The following CELF2 variants were observed in gnomAD, a reference collection of about 807,000 sequenced individuals.
CELF2 encodes the protein CUGBP Elav-like family member 2.
CELF2 carries 8 observed loss-of-function variants against 62.6 expected under a neutral mutation model. The ratio of observed to expected loss-of-function variants is 0.13; its 90% CI spans 0.07 to 0.23. The LOEUF is 0.23. Among genes scored for constraint, CELF2 ranks in the 10% least tolerant of loss-of-function variants. The pLI is 1.00. For synonymous variants in CELF2, 258 were observed against 250.0 expected, an observed-to-expected ratio of 1.03 and a Z score of -0.30; for missense variants, 333 against 671.0, an observed-to-expected ratio of 0.50 and a Z score of 5.56.
the CELF2 span, among the ~76,000 whole-genome samples, chr10:10,498,025 G>C: frequency 6.6e-6 from 1 of 152,176 alleles, no homozygotes; most frequent in Admixed American, 6.5e-5. Context: ...ATAAGAGGCG[G>C]GAAGAAGTGC....
At chr10:10,782,408 C>T in the CELF2 span, among the ~76,000 whole-genome samples, 4 of 152,186 alleles carry the variant, frequency 2.6e-5, no homozygotes, top group Non-Finnish European at 5.9e-5. Flanking sequence ...GCAAATTCCT[C>T]CTTCCTCTGC....
the CELF2 span, among the ~76,000 whole-genome samples, chr10:10,507,460 A>G: frequency 6.6e-6 from 1 of 152,164 alleles, no homozygotes; most frequent in African/African-American, 2.4e-5. Flanking sequence ...TCAACAGGTC[A>G]GGTACAAATG....
the CELF2 span, among the ~76,000 whole-genome samples, chr10:10,744,272 A>G: frequency 1.3e-5 from 2 of 152,200 alleles, no homozygotes; most frequent in African/African-American, 4.8e-5. Context: ...TTCGCATCCT[A>G]AATCATTCAA....
chr10:10,801,079 A>AG (rs1000246966), intron 1 of CELF2, among the ~76,000 whole-genome samples: 1 of 151,912 alleles, frequency 6.6e-6, no homozygotes, highest in Non-Finnish European at 1.5e-5. Context: ...CGTTTTTAAA[A>AG]AAAAAACAGT....
intron 1 of CELF2, among the ~76,000 whole-genome samples, chr10:10,886,723 C>T (rs2061775368): frequency 6.6e-6 from 1 of 152,184 alleles, no homozygotes; most frequent in South Asian, 2.1e-4. Flanking sequence ...GTGGTCCCAG[C>T]TACCTGGGAA....
the CELF2 span, among the ~76,000 whole-genome samples, chr10:10,661,383 C>T: frequency 6.6e-6 from 1 of 152,214 alleles, no homozygotes; most frequent in Non-Finnish European, 1.5e-5. Flanking sequence ...TTTATAAACA[C>T]AGCACAGTTT....
At chr10:10,685,185 G>A in the CELF2 span, among the ~76,000 whole-genome samples, 20 of 152,288 alleles carry the variant, frequency 1.3e-4, no homozygotes, top group Admixed American at 3.3e-4. Flanking sequence ...TATACAGAGC[G>A]GCTCAGATTT....
intron 2 of CELF2, among the ~76,000 whole-genome samples, chr10:10,920,522 A>T (rs890451114): frequency 1.3e-5 from 2 of 152,206 alleles, no homozygotes; most frequent in African/African-American, 4.8e-5. Flanking sequence ...TATCATAGAA[A>T]GAAATTAATA....
chr10:10,547,819 G>A, the CELF2 span, among the ~76,000 whole-genome samples: 2,467 of 150,828 alleles, frequency 0.016, 66 homozygotes, highest in African/African-American at 0.056. Context: ...TTATTCTCTA[G>A]CTTCCATTGC....
Position 11,135,401 on chromosome 10 carries a change from A to T in CELF2, c.75-30085A>T, listed in dbSNP as rs531701721. 1.1e-4 allele frequency among the ~76,000 whole-genome samples: 16 copies of T among 152,374 alleles called. No homozygotes were observed. In the South Asian group the frequency reaches 3.1e-3, roughly 30 times the overall value. On this transcript the variant is annotated intron_variant, in intron 1 of 12. Coordinates refer to ENST00000633077, the MANE Select transcript of CELF2 (RefSeq NM_001326342.2). ...GAGGCCCAGGCCAAGTGCATGGCTC[A>T]TGCATTATGTTTCTTTTGGTTTGTC...
the CELF2 span, among the ~76,000 whole-genome samples, chr10:10,505,585 C>T: frequency 6.6e-6 from 1 of 152,084 alleles, no homozygotes; most frequent in Non-Finnish European, 1.5e-5. Context: ...AACGTTCTAG[C>T]TCTCTACTTG....
chr10:10,529,338 T>C, the CELF2 span, among the ~76,000 whole-genome samples: 1 of 152,106 alleles, frequency 6.6e-6, no homozygotes, highest in African/African-American at 2.4e-5. Flanking sequence ...GAGTAGATGA[T>C]AATAAGCTGG....
intron 1 of CELF2, among the ~76,000 whole-genome samples, chr10:11,009,002 TTG>T (rs1261609266): frequency 2.1e-3 from 25 of 12,112 alleles, no homozygotes; most frequent in South Asian, 0.02. Context: ...CCTGGGGAAT[TTG>T]CGGGGGGGGG....
At chr10:10,662,345 A>G in the CELF2 span, among the ~76,000 whole-genome samples, 1 of 152,326 alleles carries the variant, frequency 6.6e-6, no homozygotes, top group South Asian at 2.1e-4. Flanking sequence ...GCCCAGGCTT[A>G]AGATAAGACT....
the CELF2 span, among the ~76,000 whole-genome samples, chr10:10,482,094 T>C: frequency 3.0e-4 from 45 of 152,330 alleles, no homozygotes; most frequent in Admixed American, 2.9e-3. Context: ...ACATACACTC[T>C]GCGTCTGTGA....
chr10:10,763,377 A>G, the CELF2 span, among the ~76,000 whole-genome samples: 7 of 152,084 alleles, frequency 4.6e-5, no homozygotes, highest in Admixed American at 4.6e-4. Flanking sequence ...TTGATAATGG[A>G]CTTGGAAATT....
At chr10:10,954,358 G>A (rs2048667277) in intron 2 of CELF2, among the ~76,000 whole-genome samples, 1 of 151,832 alleles carries the variant, frequency 6.6e-6, no homozygotes, top group Non-Finnish European at 1.5e-5. Context: ...GAATTCTCCT[G>A]CCTCAGCCTC....
At chr10:10,688,735 C>T in the CELF2 span, among the ~76,000 whole-genome samples, 1 of 152,006 alleles carries the variant, frequency 6.6e-6, no homozygotes, top group African/African-American at 2.4e-5. Flanking sequence ...TGGCTGGGCT[C>T]AGTGGCTCAT....
chr10:10,988,025 G>A (rs1041055490), intron 2 of CELF2, among the ~76,000 whole-genome samples: 2 of 152,060 alleles, frequency 1.3e-5, no homozygotes, highest in African/African-American at 4.8e-5. Context: ...ATGCACATTA[G>A]GACAATCACT....
Sources: allele counts gnomAD v4.1 joint callset (sites outside exome capture counted in the v4.1 genomes callset), GRCh38; gene constraint gnomAD v4.1.1; transcripts MANE v1.5; gene names NCBI Gene and HGNC (gene_info 2026-07-23, HGNC 2026-07-21).